The following BTRC variants were observed in gnomAD, a reference collection of about 807,000 sequenced individuals.
BTRC encodes F-box/WD repeat-containing protein 1A.
In BTRC, 42 loss-of-function variants were observed where a neutral mutation model predicts 85.5. That is an observed-to-expected ratio of 0.49 (90% confidence interval 0.38 to 0.64). The LOEUF is 0.64. Among genes scored for constraint, BTRC ranks in the 30% least tolerant of loss-of-function variants. BTRC has a pLI of 0.00. For missense variants in BTRC, 594 were observed against 743.5 expected (o/e 0.80, Z 2.34); for synonymous variants, 255 against 263.3 (o/e 0.97, Z 0.30).
At chr10:101,542,452 G>A (rs1042908745) in intron 13 of BTRC, among the ~76,000 whole-genome samples, 1 of 152,036 alleles carries the variant, frequency 6.6e-6, no homozygotes, top group Non-Finnish European at 1.5e-5. Flanking sequence ...TAATATTCAG[G>A]TCTTCTGTAT....
chr10:101,401,837 C>CA (rs766212284), intron 1 of BTRC, among the ~76,000 whole-genome samples: 1,183 of 51,472 alleles, frequency 0.023, 11 homozygotes, highest in African/African-American at 0.063. Flanking sequence ...GACCTCATCT[C>CA]AAAAAAAAAA....
chr10:101,445,789 T>G (rs893301874), intron 2 of BTRC, among the ~76,000 whole-genome samples: 1 of 152,202 alleles, frequency 6.6e-6, no homozygotes, highest in Non-Finnish European at 1.5e-5. Context: ...CCTTGGACTC[T>G]CTTAATTTTG....
At chr10:101,467,346 CT>C (rs1945405266) in intron 3 of BTRC, among the ~76,000 whole-genome samples, 1 of 37,970 alleles carries the variant, frequency 2.6e-5, no homozygotes, top group Admixed American at 2.8e-4. Flanking sequence ...TTTTTTTTTT[CT>C]CTCTATTTGT....
intron 3 of BTRC, among the ~76,000 whole-genome samples, chr10:101,472,322 C>CTCTTCTCT (rs1298337336): frequency 1.4e-5 from 2 of 145,348 alleles, no homozygotes; most frequent in East Asian, 4.0e-4. Flanking sequence ...CTCTTCTCTT[C>CTCTTCTCT]TCTCTCTTCT....
chr10:101,510,930 C>T (rs1420447855), intron 4 of BTRC, among the ~76,000 whole-genome samples: 2 of 152,160 alleles, frequency 1.3e-5, no homozygotes, highest in Non-Finnish European at 2.9e-5. Flanking sequence ...ATTTTATCAG[C>T]CTTCTAATTG....
chr10:101,356,232 C>T (rs976031179), intron 1 of BTRC, among the ~76,000 whole-genome samples: 1 of 152,186 alleles, frequency 6.6e-6, no homozygotes, highest in Admixed American at 6.5e-5. Flanking sequence ...ATCTCCTGAC[C>T]TCGTGATCCG....
intron 4 of BTRC, 92 bp downstream of exon 4, chr10:101,479,549 T>G: frequency 9.8e-7 from 1 of 1,024,028 alleles, no homozygotes; most frequent in Non-Finnish European, 1.4e-6. Context: ...TAAGGATTAT[T>G]ACAGGATTAT....
Position 101,556,298 on chromosome 10 carries a change from C to G in BTRC, c.*3175C>G, listed in dbSNP as rs1318739706. 2 of 152,070 alleles carry G rather than the reference C, an allele frequency of 1.3e-5. No homozygotes were observed. The highest frequency in any genetic ancestry group is 4.8e-5 in the African/African-American group (2 of 41,378). The allele number at this position is 152,070 out of a possible 1,614,324, so 9.4% of individuals were successfully genotyped here. The stretch of plus-strand genomic sequence containing the variant: ...CGGCTCCTGGTACCATTGGTCTGAA[C>G]AGCTGTAGTTGGTCTACTCCTTACT... On this transcript the variant is annotated 3_prime_UTR_variant, in exon 15 of 15. Transcript: ENST00000370187.
At chr10:101,426,728 T>G (rs1944261011) in intron 1 of BTRC, among the ~76,000 whole-genome samples, 1 of 152,142 alleles carries the variant, frequency 6.6e-6, no homozygotes, top group Non-Finnish European at 1.5e-5. Context: ...CAAGGAGCAT[T>G]CACAAAAATA....
chr10:101,376,142 G>A (rs1184309974), intron 1 of BTRC, among the ~76,000 whole-genome samples: 1 of 152,126 alleles, frequency 6.6e-6, no homozygotes, highest in Non-Finnish European at 1.5e-5. Context: ...TCTGGCCAAT[G>A]TGGTGAAACC....
chr10:101,458,992 G>A (rs556646982), intron 2 of BTRC, among the ~76,000 whole-genome samples: 1 of 152,264 alleles, frequency 6.6e-6, no homozygotes, highest in Admixed American at 6.5e-5. Context: ...TTGAGATGGT[G>A]TCTTGCTGTG....
At chr10:101,532,783 T>TGCGCGCGC (rs1355294635) in intron 8 of BTRC, among the ~76,000 whole-genome samples, 169 bp from the exon 9 acceptor site, 1 of 80,010 alleles carries the variant, frequency 1.2e-5, no homozygotes, top group African/African-American at 1.0e-4. Context: ...TGTGTGTGTG[T>TGCGCGCGC]GTGTGTGCGC....
At chr10:101,385,220 AG>A (rs1241831641) in intron 1 of BTRC, among the ~76,000 whole-genome samples, 1 of 145,304 alleles carries the variant, frequency 6.9e-6, no homozygotes, top group South Asian at 2.2e-4. Flanking sequence ...AAAAAAAATT[AG>A]CCGGGCGTGG....
intron 1 of BTRC, among the ~76,000 whole-genome samples, chr10:101,416,272 A>G (rs1250564730): frequency 6.6e-6 from 1 of 151,848 alleles, no homozygotes; most frequent in African/African-American, 2.4e-5. Flanking sequence ...TGGCCATTTG[A>G]ATCTGTCTAC....
intron 1 of BTRC, among the ~76,000 whole-genome samples, chr10:101,368,481 T>C (rs980064649): frequency 3.6e-5 from 5 of 139,088 alleles, no homozygotes; most frequent in African/African-American, 8.2e-5. Flanking sequence ...TTTTTTTTTT[T>C]TTTTTTTTTT....
chr10:101,389,712 C>T (rs952355791), intron 1 of BTRC, among the ~76,000 whole-genome samples: 2 of 146,144 alleles, frequency 1.4e-5, no homozygotes, highest in Non-Finnish European at 3.0e-5. Context: ...GCAGTCTTGA[C>T]CTCCTGGGCT....
intron 1 of BTRC, among the ~76,000 whole-genome samples, chr10:101,370,350 G>T (rs1247157597): frequency 3.9e-5 from 6 of 152,040 alleles, no homozygotes; most frequent in Non-Finnish European, 7.4e-5. Flanking sequence ...CTGGACTCAA[G>T]TGATCCTCTG....
At chr10:101,531,434 A>C (rs1200368327) in intron 7 of BTRC, 101 bp downstream of exon 7, 22 of 884,290 alleles carry the variant, frequency 2.5e-5, no homozygotes, top group Non-Finnish European at 1.7e-6. Context: ...GTTTATTGAC[A>C]TGAGTTGGGA....
rs564366299 is a variant in BTRC, at chr10:101,540,030, A to T, written c.1656+1659A>T. On this transcript the variant is annotated intron_variant, in intron 13 of 14. Coordinates refer to ENST00000370187, the MANE Select transcript of BTRC (RefSeq NM_033637.4). ...TTTATATATTATAAGTTACAAATGC[A>T]TTATCAGATGTAATTCACAAGTATT... Among the ~76,000 whole-genome samples, 15 of 152,314 alleles carry T rather than the reference A, an allele frequency of 9.8e-5. No homozygotes were observed. The East Asian group carries it at 2.9e-3, about 29-fold the overall frequency.
Sources: gnomAD v4.1 joint callset for allele counts (sites outside exome capture counted in the v4.1 genomes callset) on GRCh38, gnomAD v4.1.1 for gene constraint, MANE v1.5 for transcripts, NCBI Gene and HGNC (gene_info 2026-07-23, HGNC 2026-07-21) for gene names.